Variants in CDH20 observed in about 807,000 individuals in gnomAD.
CDH20 encodes the protein cadherin-20.
CDH20 carries 29 observed loss-of-function variants against 74.2 expected under a neutral mutation model. That is an observed-to-expected ratio of 0.39 (90% CI 0.29 to 0.53). CDH20 has a LOEUF of 0.53. Ranked by LOEUF, CDH20 falls within the 20% of genes least tolerant of loss-of-function variation. The probability of loss-of-function intolerance (pLI) is 0.69; values close to 1 mark genes in which losing one functional copy is unlikely to be tolerated. For missense variants in CDH20, 988 were observed against 1,048.3 expected (o/e 0.94, Z 0.79); for synonymous variants, 469 against 405.4 (o/e 1.16, Z -1.88).
intron 5 of CDH20, 97 bp downstream of exon 5, chr18:61,503,217 A>G: frequency 1.2e-6 from 1 of 862,390 alleles, no homozygotes; most frequent in South Asian, 2.4e-5. Flanking sequence ...TTCCTCATTA[A>G]ATTCAATTAT....
At chr18:61,429,736 G>C (rs2144293085) in intron 1 of CDH20, among the ~76,000 whole-genome samples, 1 of 152,266 alleles carries the variant, frequency 6.6e-6, no homozygotes, top group South Asian at 2.1e-4. Flanking sequence ...CTAATTCCCA[G>C]TAAGATGCCT....
At chr18:61,512,917 G>A (rs1423731533) in intron 6 of CDH20, among the ~76,000 whole-genome samples, 4 of 152,032 alleles carry the variant, frequency 2.6e-5, no homozygotes, top group South Asian at 4.2e-4. Flanking sequence ...AGAGCTTTAC[G>A]GCCAACTATG....
intron 1 of CDH20, among the ~76,000 whole-genome samples, chr18:61,344,745 T>C (rs1735339206): frequency 6.6e-6 from 1 of 152,186 alleles, no homozygotes; most frequent in African/African-American, 2.4e-5. Context: ...TGCTGTTCTA[T>C]AAATTAGGGA....
chr18:61,339,120 C>T (rs919214362), intron 1 of CDH20, among the ~76,000 whole-genome samples: 1 of 151,824 alleles, frequency 6.6e-6, no homozygotes, highest in African/African-American at 2.4e-5. Context: ...CTGGTGTGGA[C>T]GTGAGGGGGG....
intron 1 of CDH20, among the ~76,000 whole-genome samples, chr18:61,345,793 G>C (rs1011800040): frequency 7.9e-5 from 12 of 152,194 alleles, no homozygotes; most frequent in African/African-American, 2.9e-4. Flanking sequence ...TGCGAACTAG[G>C]AGAGCAGCAC....
chr18:61,378,602 C>T (rs1742358309), intron 1 of CDH20, among the ~76,000 whole-genome samples: 1 of 152,114 alleles, frequency 6.6e-6, no homozygotes, highest in African/African-American at 2.4e-5. Context: ...TCCAGAAACA[C>T]CCTCATGAAG....
intron 1 of CDH20, among the ~76,000 whole-genome samples, chr18:61,482,163 G>A (rs1910611348): frequency 6.6e-6 from 1 of 152,088 alleles, no homozygotes; most frequent in South Asian, 2.1e-4. Context: ...CTAAGAAAAA[G>A]CAGCTCACAT....
intron 1 of CDH20, among the ~76,000 whole-genome samples, chr18:61,336,824 G>GA (rs1283454298): frequency 6.6e-6 from 1 of 150,470 alleles, no homozygotes; most frequent in Admixed American, 6.6e-5. Context: ...ATATGGGGGG[G>GA]GGTGATGAGA....
intron 10 of CDH20, among the ~76,000 whole-genome samples, chr18:61,546,001 A>G (rs1187231087): frequency 6.6e-6 from 1 of 152,162 alleles, no homozygotes; most frequent in Non-Finnish European, 1.5e-5. Context: ...TTTGTTCTGT[A>G]GCCAGATGAT....
At chr18:61,401,843 C>G (rs1026576951) in intron 1 of CDH20, among the ~76,000 whole-genome samples, 1 of 152,100 alleles carries the variant, frequency 6.6e-6, no homozygotes, top group Non-Finnish European at 1.5e-5. Context: ...AAGAGACTCT[C>G]CTTCAGAAGA....
chr18:61,408,427 G>A (rs1912398534), intron 1 of CDH20, among the ~76,000 whole-genome samples: 1 of 152,162 alleles, frequency 6.6e-6, no homozygotes, highest in Non-Finnish European at 1.5e-5. Context: ...GTTTTAGGCT[G>A]GATGATCTCT....
At chr18:61,462,481 T>C (rs895237136) in intron 1 of CDH20, among the ~76,000 whole-genome samples, 75 of 152,192 alleles carry the variant, frequency 4.9e-4, no homozygotes, top group African/African-American at 1.7e-3. Context: ...TCATAGGTAC[T>C]AGAGGTAAGG....
chr18:61,382,041 A>T (rs992341808), intron 1 of CDH20, among the ~76,000 whole-genome samples: 4 of 152,038 alleles, frequency 2.6e-5, no homozygotes, highest in Admixed American at 2.6e-4. Context: ...CTTGCTCATC[A>T]ATCCCATTTT....
chr18:61,432,599 AC>A (rs1913293893), intron 1 of CDH20, among the ~76,000 whole-genome samples: 1 of 151,898 alleles, frequency 6.6e-6, no homozygotes, highest in South Asian at 2.1e-4. Context: ...CCTTTCCCAA[AC>A]CCTTGTGTTT....
At chr18:61,460,962 G>A (rs1170231944) in intron 1 of CDH20, among the ~76,000 whole-genome samples, 1 of 151,958 alleles carries the variant, frequency 6.6e-6, no homozygotes, top group Non-Finnish European at 1.5e-5. Context: ...AATATCTCAG[G>A]TAATAAGTAC....
chr18:61,436,097 G>T (rs1305901207), intron 1 of CDH20, among the ~76,000 whole-genome samples: 1 of 152,002 alleles, frequency 6.6e-6, no homozygotes, highest in African/African-American at 2.4e-5. Flanking sequence ...CACATTTTAG[G>T]ACTTCATTTA....
At chr18:61,523,614 G>A (rs1315176873) in intron 6 of CDH20, among the ~76,000 whole-genome samples, 1 of 152,150 alleles carries the variant, frequency 6.6e-6, no homozygotes, top group Non-Finnish European at 1.5e-5. Flanking sequence ...AAAGACACAT[G>A]CACACGTATG....
At chr18:61,498,831 C>A (rs1911260777) in intron 2 of CDH20, among the ~76,000 whole-genome samples, 1 of 152,068 alleles carries the variant, frequency 6.6e-6, no homozygotes, top group African/African-American at 2.4e-5. Context: ...TTTTATTTTT[C>A]TTAAGTGGAA....
intron 11 of CDH20, among the ~76,000 whole-genome samples, chr18:61,553,530 T>C (rs540889025): frequency 6.6e-6 from 1 of 152,322 alleles, no homozygotes; most frequent in African/African-American, 2.4e-5. Context: ...ATAAATACCC[T>C]TGGGTCCAGA....
Sources: gnomAD v4.1 joint callset for allele counts (sites outside exome capture counted in the v4.1 genomes callset) on GRCh38, gnomAD v4.1.1 for gene constraint, MANE v1.5 for transcripts, NCBI Gene and HGNC (gene_info 2026-07-23, HGNC 2026-07-21) for gene names.